The following ASTN2 variants were observed in gnomAD, a reference collection of about 807,000 sequenced individuals.
The protein encoded by ASTN2 is astrotactin 2, also known as astrotactin-2.
ASTN2 carries 54 observed loss-of-function variants against 139.8 expected under a neutral mutation model. That is an observed-to-expected ratio of 0.39 (90% CI 0.31 to 0.48). The LOEUF (loss-of-function observed/expected upper bound fraction) is 0.48, where lower values mean the gene tolerates loss of function less well. Ranked by LOEUF, ASTN2 falls within the 20% of genes least tolerant of loss-of-function variation. The pLI is 0.95. For synonymous variants in ASTN2, 756 were observed against 719.5 expected (o/e 1.05, Z -0.81); for missense variants, 1,565 against 1,725.1 (o/e 0.91, Z 1.64).
At chr9:117,087,211 T>TTTTTC (rs1353136310) in intron 5 of ASTN2, among the ~76,000 whole-genome samples, 1 of 142,696 alleles carries the variant, frequency 7.0e-6, no homozygotes. Flanking sequence ...CTTTTTCATT[T>TTTTTC]TTTTCTTTTT....
At chr9:116,614,116 T>C (rs561743031) in intron 19 of ASTN2, among the ~76,000 whole-genome samples, 1 of 152,238 alleles carries the variant, frequency 6.6e-6, no homozygotes, top group Admixed American at 6.5e-5. Flanking sequence ...TGAACTCCCA[T>C]TCACAATTGC....
At chr9:117,004,187 A>G (rs937596734) in intron 7 of ASTN2, among the ~76,000 whole-genome samples, 1 of 152,050 alleles carries the variant, frequency 6.6e-6, no homozygotes, top group Non-Finnish European at 1.5e-5. Flanking sequence ...TAGCATGATC[A>G]TGGCTAACTG....
chr9:116,581,729 T>C (rs1034659627), intron 19 of ASTN2, among the ~76,000 whole-genome samples: 3 of 152,202 alleles, frequency 2.0e-5, no homozygotes, highest in Non-Finnish European at 4.4e-5. Context: ...TCCACTGTGA[T>C]CATTTTTCTT....
At chr9:117,324,828 C>T (rs993284193) in intron 1 of ASTN2, among the ~76,000 whole-genome samples, 1 of 152,164 alleles carries the variant, frequency 6.6e-6, no homozygotes, top group African/African-American at 2.4e-5. Context: ...CCATGGGTAG[C>T]CACTGCAGAG....
chr9:117,236,654 T>C (rs1470764968), intron 2 of ASTN2, among the ~76,000 whole-genome samples: 1 of 152,142 alleles, frequency 6.6e-6, no homozygotes, highest in African/African-American at 2.4e-5. Context: ...GATGGATAGA[T>C]GGATGGACAG....
chr9:116,667,901 C>T (rs557236511), intron 16 of ASTN2, among the ~76,000 whole-genome samples: 8 of 129,756 alleles, frequency 6.2e-5, no homozygotes, highest in South Asian at 2.5e-4. Context: ...AACTGATGAA[C>T]GTACACTGAC....
chr9:117,337,205 T>C (rs1828915271), intron 1 of ASTN2, among the ~76,000 whole-genome samples: 1 of 150,358 alleles, frequency 6.7e-6, no homozygotes, highest in Non-Finnish European at 1.5e-5. Context: ...AATGGGGAAT[T>C]CCCATTTTAT....
Position 116,488,975 on chromosome 9 carries a change from T to C in ASTN2, c.3356-1475A>G, listed in dbSNP as rs7019005. ...ATGATCTAGGAAAAAAACTGACATA[T>C]GAGGTATTTTTATACCGCACAGTAT... On this transcript the variant is annotated intron_variant, in intron 19 of 22. Coordinates refer to ENST00000313400, the MANE Select transcript of ASTN2 (RefSeq NM_001365068.1). Among the ~76,000 whole-genome samples, 1,490 of 152,298 alleles carry C rather than the reference T, an allele frequency of 9.8e-3. 31 individuals carry two copies. The highest frequency in any genetic ancestry group is 0.034 in the African/African-American group (1,432 of 41,566).
chr9:116,757,497 G>C (rs954420867), intron 13 of ASTN2, among the ~76,000 whole-genome samples: 1 of 152,080 alleles, frequency 6.6e-6, no homozygotes, highest in Admixed American at 6.6e-5. Flanking sequence ...TGCTTGACCA[G>C]AGGAGGATGG....
chr9:117,109,896 C>A (rs1409860876), intron 4 of ASTN2, among the ~76,000 whole-genome samples: 1 of 152,058 alleles, frequency 6.6e-6, no homozygotes, highest in Non-Finnish European at 1.5e-5. Flanking sequence ...CTTTTAGTTT[C>A]CTATACAAGT....
At chr9:117,033,003 A>C (rs73519360) in intron 6 of ASTN2, among the ~76,000 whole-genome samples, 3,728 of 152,244 alleles carry the variant, frequency 0.024, 139 homozygotes, top group African/African-American at 0.084. Context: ...TCAATATATA[A>C]AATTGTGTGT....
At chr9:116,471,839 A>G (rs1848823396) in intron 20 of ASTN2, among the ~76,000 whole-genome samples, 1 of 152,220 alleles carries the variant, frequency 6.6e-6, no homozygotes, top group African/African-American at 2.4e-5. Context: ...AAGGCTACCC[A>G]GCTAAGAACT....
At chr9:117,270,513 G>A (rs969378918) in intron 2 of ASTN2, among the ~76,000 whole-genome samples, 4 of 152,170 alleles carry the variant, frequency 2.6e-5, no homozygotes, top group Non-Finnish European at 5.9e-5. Flanking sequence ...ACAGTTTCAT[G>A]AGTTTCTTTG....
At chr9:117,206,334 C>T (rs182294186) in intron 3 of ASTN2, among the ~76,000 whole-genome samples, 16 of 152,228 alleles carry the variant, frequency 1.1e-4, no homozygotes, top group Non-Finnish European at 1.6e-4. Context: ...GATCTCTATC[C>T]GACCCCATTG....
intron 2 of ASTN2, among the ~76,000 whole-genome samples, chr9:117,283,654 A>G (rs971610339): frequency 6.6e-5 from 10 of 152,306 alleles, no homozygotes; most frequent in African/African-American, 1.9e-4. Context: ...CATGTATTAC[A>G]TGGTTTTTCC....
At chr9:117,381,929 C>A (rs1314601067) in intron 1 of ASTN2, among the ~76,000 whole-genome samples, 1 of 151,920 alleles carries the variant, frequency 6.6e-6, no homozygotes, top group Admixed American at 6.6e-5. Flanking sequence ...ATGTAAATGA[C>A]CAAGGGAGAG....
At position 116,984,570 on chromosome 9, in the gene ASTN2, A is replaced by G. The variant is rs973245689; in HGVS notation, c.1592-7785T>C. Among the ~76,000 whole-genome samples the G allele has an allele frequency of 2.6e-5, 4 of 152,340 alleles. No individual in the cohort carries two copies. In the East Asian group the frequency reaches 5.8e-4, roughly 22 times the overall value. On this transcript the variant is annotated intron_variant, in intron 7 of 22. Transcript: ENST00000313400. ...GGTTCTACCCAGGGGTCCCACTCAG[A>G]GATCCCACTCAAGCAAAGCCTGAGC... is the stretch of plus-strand genomic sequence containing the variant.
chr9:116,818,764 T>G (rs1018394920), intron 12 of ASTN2, among the ~76,000 whole-genome samples: 2 of 152,198 alleles, frequency 1.3e-5, no homozygotes, highest in African/African-American at 4.8e-5. Flanking sequence ...TGGTAATATA[T>G]TTAGTCCTTA....
At chr9:117,264,232 C>T (rs548954399) in intron 2 of ASTN2, among the ~76,000 whole-genome samples, 19 of 152,050 alleles carry the variant, frequency 1.2e-4, no homozygotes, top group African/African-American at 1.7e-4. Context: ...TTACCCCATT[C>T]GTAAAAATTA....
Sources: allele counts gnomAD v4.1 joint callset (sites outside exome capture counted in the v4.1 genomes callset), GRCh38; gene constraint gnomAD v4.1.1; transcripts MANE v1.5; gene names NCBI Gene and HGNC (gene_info 2026-07-23, HGNC 2026-07-21).